The following ZNF30 variants were observed in gnomAD, a reference collection of about 807,000 sequenced individuals.
The protein encoded by ZNF30 is zinc finger protein 30 (KOX 28).
A neutral mutation model predicts 13.2 loss-of-function variants in ZNF30; 15 were observed. That is an observed-to-expected ratio of 1.13 (90% CI 0.76 to 1.75). The LOEUF is 1.75. ZNF30 is among the 40% of genes most tolerant of loss of function. The pLI, the probability that ZNF30 is intolerant of heterozygous loss-of-function variation, is 0.00. For synonymous variants in ZNF30, 223 were observed against 256.6 expected, an observed-to-expected ratio of 0.87 and a Z score of 1.25; for missense variants, 726 against 757.0, an observed-to-expected ratio of 0.96 and a Z score of 0.48.
intron 4 of ZNF30, among the ~76,000 whole-genome samples, chr19:34,935,562 C>T (rs145380626): frequency 6.6e-6 from 1 of 152,298 alleles, no homozygotes; most frequent in East Asian, 1.9e-4. Context: ...AGACACCCCA[C>T]ATTGTCCCCC....
At chr19:34,940,667 C>CAAAAAA (rs59553578) in intron 4 of ZNF30, among the ~76,000 whole-genome samples, 69 of 63,830 alleles carry the variant, frequency 1.1e-3, no homozygotes, top group East Asian at 1.3e-3. Flanking sequence ...GACTCCGTCT[C>CAAAAAA]AAAAAAAAAA....
Position 34,932,002 on chromosome 19 carries a change from A to G in ZNF30, c.160+9A>G, listed in dbSNP as rs1198399651. 1.9e-6 allele frequency: 3 copies of G among 1,562,630 alleles called. No homozygotes were observed. The highest frequency in any genetic ancestry group is 1.4e-5 in the African/African-American group (1 of 72,236). ...GAACTTGGTGTCAATGGGTAAGTGT[A>G]CTTCTCTCAAATAATTGAGAATCTG... On this transcript the variant is annotated intron_variant, in intron 3 of 4. Coordinates refer to ENST00000601142, the MANE Select transcript of ZNF30 (RefSeq NM_194325.3).
Position 34,931,840 on chromosome 19 carries a change from C to T in ZNF30, c.10-3C>T. The T allele has an allele frequency of 1.2e-6, 2 of 1,606,308 alleles. No homozygotes were observed. The highest frequency in any genetic ancestry group is 2.2e-5 in the East Asian group (1 of 44,676). On this transcript the variant is annotated splice_polypyrimidine_tract_variant and splice_region_variant and intron_variant, in intron 2 of 4. Coordinates refer to ENST00000601142, the MANE Select transcript of ZNF30 (RefSeq NM_194325.3). ...TTGAAAGCATTTTCTTTGATTTTAC[C>T]AGAAATATGTGGGTTTGCAGTATCA...
intron 1 of ZNF30, among the ~76,000 whole-genome samples, chr19:34,928,303 GTTTAA>G (rs1424176187): frequency 1.4e-5 from 2 of 145,204 alleles, no homozygotes; most frequent in Non-Finnish European, 3.0e-5. Context: ...GGAAACAAGT[GTTTAA>G]TTAAAATGAA....
intron 4 of ZNF30, among the ~76,000 whole-genome samples, chr19:34,939,161 CTCCCTCCG>C (rs2012906534): frequency 3.9e-5 from 3 of 77,342 alleles, no homozygotes; most frequent in Admixed American, 1.1e-4. Context: ...CCTCCCTCCC[CTCCCTCCG>C]CTCCCCTCCC....
At chr19:34,934,487 A>C (rs913759942) in intron 4 of ZNF30, among the ~76,000 whole-genome samples, 2 of 151,690 alleles carry the variant, frequency 1.3e-5, no homozygotes, top group Non-Finnish European at 2.9e-5. Flanking sequence ...CTGGTCTTGA[A>C]CTCCTGGGCT....
intron 4 of ZNF30, among the ~76,000 whole-genome samples, chr19:34,940,929 A>G (rs1321014851): frequency 6.6e-6 from 1 of 152,192 alleles, no homozygotes; most frequent in East Asian, 1.9e-4. Flanking sequence ...CCAATTATCT[A>G]ATTTCCTGAT....
chr19:34,927,442 G>A (rs550010461), intron 1 of ZNF30, among the ~76,000 whole-genome samples: 10 of 152,218 alleles, frequency 6.6e-5, no homozygotes, highest in Non-Finnish European at 1.5e-4. Flanking sequence ...AAAAGGAAAC[G>A]ATAGTTATGA....
chr19:34,936,829 A>T (rs2012765648), intron 4 of ZNF30, among the ~76,000 whole-genome samples: 2 of 152,150 alleles, frequency 1.3e-5, no homozygotes, highest in South Asian at 4.1e-4. Context: ...CCAGGAAGTC[A>T]AGGCTGCAGT....
At chr19:34,926,034 T>C (rs548215711), upstream of ZNF30, among the ~76,000 whole-genome samples, 175 of 152,206 alleles carry the variant, frequency 1.1e-3, 1 homozygote, top group African/African-American at 4.0e-3. Flanking sequence ...ATTAGCCAGG[T>C]GTAGTGGCGC....
intron 4 of ZNF30, among the ~76,000 whole-genome samples, chr19:34,934,274 G>C (rs930916519): frequency 2.6e-5 from 4 of 152,096 alleles, no homozygotes; most frequent in African/African-American, 9.7e-5. Flanking sequence ...GTTTTGTTTT[G>C]TTTTTGAGTG....
Position 34,943,506 on chromosome 19 carries a change from A to G in ZNF30, c.540A>G (p.Lys180=), listed in dbSNP as rs774040492. ...HVGEKPYKYE[K]CGKAFISGSA... ...GTGAGAAACCCTATAAATATGAAAA[A>G]TGTGGGAAGGCCTTTATCAGTGGCT... Residue 180 remains lysine (K), a synonymous_variant, in exon 5 of 5, where the codon AAA becomes AAG. Coordinates refer to ENST00000601142, the MANE Select transcript of ZNF30 (RefSeq NM_194325.3). The G allele has an allele frequency of 6.2e-7, 1 of 1,613,798 alleles. No homozygotes were observed. The highest frequency in any genetic ancestry group is 8.5e-7 in the Non-Finnish European group (1 of 1,179,816).
chr19:34,943,679 G>A lies in ZNF30; in HGVS notation c.713G>A (p.Gly238Glu), dbSNP rs2013169467. The A allele has an allele frequency of 6.2e-7, 1 of 1,613,278 alleles. No homozygotes were observed. The highest frequency in any genetic ancestry group is 1.1e-5 in the South Asian group (1 of 90,996). ...AAACCATATGAGTGCGGGGAATGTG[G>A]GAAAGCTTTTCTAGTATATGGAAAG... Reference protein sequence around the residue: ...GKKPYECGECGKAFLVYGKLT... With the variant: ...GKKPYECGECEKAFLVYGKLT... The change falls in exon 5 of 5, where the codon GGG becomes GAG. Residue 238 changes from glycine to glutamate, a missense_variant. Coordinates refer to ENST00000601142, the MANE Select transcript of ZNF30 (RefSeq NM_194325.3).
chr19:34,927,121 G>C lies in ZNF30; in HGVS notation c.-160G>C, dbSNP rs2012112871. 16 of 397,196 alleles carry C rather than the reference G, an allele frequency of 4.0e-5. No individual in the cohort carries two copies. In the East Asian group the frequency reaches 5.7e-4, roughly 14 times the overall value. 24.6% of individuals were successfully genotyped at this position (397,196 alleles called of 1,614,324 possible). A position where few individuals can be genotyped will look rare whatever the true frequency, so the allele number is the denominator to read the frequency against. On this transcript the variant is annotated 5_prime_UTR_variant, in exon 1 of 5. Coordinates refer to ENST00000601142, the MANE Select transcript of ZNF30 (RefSeq NM_194325.3). ...AAGTCAGCGCCCAGCTCCGAGGTTG[G>C]AGCAGCCCCGCCGGGCAACTTGAAT... is the stretch of plus-strand genomic sequence containing the variant.
chr19:34,944,984 A>C lies in ZNF30; in HGVS notation c.*146A>C, dbSNP rs936432484. 38 of 760,200 alleles carry C rather than the reference A, an allele frequency of 5.0e-5. No individual in the cohort carries two copies. In the Admixed American group the frequency reaches 8.6e-4, roughly 17 times the overall value. 47.1% of individuals were successfully genotyped at this position (760,200 alleles called of 1,614,324 possible). A position where few individuals can be genotyped will look rare whatever the true frequency, so the allele number is the denominator to read the frequency against. On this transcript the variant is annotated 3_prime_UTR_variant, in exon 5 of 5. Transcript: ENST00000601142. ...TAATTCATAATATAACTCAGAAAAC[A>C]TAAGAATATTCCTTTGTCATTTATA... is the stretch of plus-strand genomic sequence containing the variant.
intron 1 of ZNF30, 185 bp downstream of exon 1, chr19:34,927,401 A>G (rs2012135158): frequency 5.8e-6 from 1 of 171,244 alleles, no homozygotes; most frequent in Admixed American, 6.3e-5. Context: ...ATTTATGTAA[A>G]GGAGCAAAAG....
chr19:34,933,782 G>A, intron 4 of ZNF30, 59 bp downstream of exon 4: 1 of 1,167,318 alleles, frequency 8.6e-7, no homozygotes, highest in African/African-American at 1.5e-5. Flanking sequence ...CCAGCTGTCA[G>A]GGAGGAAGTG....
Position 34,929,915 on chromosome 19 carries a change from T to A in ZNF30, c.-33T>A. 1 of 1,599,744 alleles carries A rather than the reference T, an allele frequency of 6.3e-7. No individual in the cohort carries two copies. The highest frequency in any genetic ancestry group is 8.5e-7 in the Non-Finnish European group (1 of 1,172,892). On this transcript the variant is annotated 5_prime_UTR_variant, in exon 2 of 5. Transcript: ENST00000601142. ...AACTTCTCAGATAGAGGAACCCCAG[T>A]GAAGACTGATCAGTTCTTACAATTC...
At chr19:34,923,970 C>A (rs572541717), upstream of ZNF30, 1 of 152,202 alleles carries the variant, frequency 6.6e-6, no homozygotes, top group South Asian at 2.1e-4. Flanking sequence ...TAGATTAGAA[C>A]ATCACTGACA....
Sources: allele counts gnomAD v4.1 joint callset (sites outside exome capture counted in the v4.1 genomes callset), GRCh38; gene constraint gnomAD v4.1.1; transcripts MANE v1.5; gene names NCBI Gene and HGNC (gene_info 2026-07-23, HGNC 2026-07-21).